The following TIAM2 variants were observed in gnomAD, a reference collection of about 807,000 sequenced individuals.
The protein encoded by TIAM2 is rho guanine nucleotide exchange factor TIAM2.
TIAM2 carries 80 observed loss-of-function variants against 152.9 expected under a neutral mutation model. That is an observed-to-expected ratio of 0.52 (90% CI 0.44 to 0.63). The LOEUF (loss-of-function observed/expected upper bound fraction) is 0.63, where lower values mean the gene tolerates loss of function less well. TIAM2 is among the 30% of genes least tolerant of loss of function. The pLI, the probability that TIAM2 is intolerant of heterozygous loss-of-function variation, is 0.00. For synonymous variants in TIAM2, 804 were observed against 838.0 expected (o/e 0.96, Z 0.70); for missense variants, 1,965 against 2,120.1 (o/e 0.93, Z 1.44).
intron 1 of TIAM2, among the ~76,000 whole-genome samples, chr6:155,061,830 A>C (rs1777585443): frequency 1.3e-5 from 2 of 152,200 alleles, no homozygotes; most frequent in Non-Finnish European, 2.9e-5. Flanking sequence ...ATTTTTTAAA[A>C]AAATTTGTAT....
At chr6:155,212,085 G>C (rs994556831) in intron 15 of TIAM2, among the ~76,000 whole-genome samples, 1 of 152,172 alleles carries the variant, frequency 6.6e-6, no homozygotes, top group South Asian at 2.1e-4. Context: ...CCATTATACG[G>C]ATACACCACA....
intron 2 of TIAM2, among the ~76,000 whole-genome samples, chr6:155,119,924 A>G (rs1779113018): frequency 6.6e-6 from 1 of 152,054 alleles, no homozygotes; most frequent in South Asian, 2.1e-4. Context: ...CTTCTGCTCT[A>G]TTTTGTTCTC....
At chr6:155,235,613 C>A (rs1782713189) in intron 15 of TIAM2, among the ~76,000 whole-genome samples, 1 of 152,198 alleles carries the variant, frequency 6.6e-6, no homozygotes, top group African/African-American at 2.4e-5. Flanking sequence ...TACTCTTCTC[C>A]TTTTGGGGGC....
intron 14 of TIAM2, among the ~76,000 whole-genome samples, chr6:155,185,691 C>A: frequency 6.6e-6 from 1 of 152,116 alleles, no homozygotes; most frequent in East Asian, 1.9e-4. Context: ...CGGTGCTTGT[C>A]CACATCACGT....
chr6:155,037,142 G>A (rs1187923301), intron 1 of TIAM2, among the ~76,000 whole-genome samples: 5 of 152,114 alleles, frequency 3.3e-5, no homozygotes, highest in South Asian at 2.1e-4. Flanking sequence ...CTCTGATTCC[G>A]TTCTTTTCTT....
intron 10 of TIAM2, among the ~76,000 whole-genome samples, chr6:155,177,718 T>C (rs1387113367): frequency 6.6e-6 from 1 of 152,248 alleles, no homozygotes; most frequent in Non-Finnish European, 1.5e-5. Flanking sequence ...CACTTTGACT[T>C]GAAACATTAG....
chr6:155,015,650 C>CT (rs1356862198), intron 1 of TIAM2, among the ~76,000 whole-genome samples: 1 of 151,864 alleles, frequency 6.6e-6, no homozygotes, highest in Non-Finnish European at 1.5e-5. Flanking sequence ...AGTTTTTAAA[C>CT]TTTAGGCCGG....
intron 9 of TIAM2, among the ~76,000 whole-genome samples, chr6:155,173,199 G>C (rs73795341): frequency 0.11 from 15,798 of 149,686 alleles, 1,724 homozygotes; most frequent in African/African-American, 0.28. Flanking sequence ...GTGTGTGTGT[G>C]TGTCTGTCTG....
chr6:155,130,336 G>A lies in TIAM2; in HGVS notation c.1113G>A (p.Ala371=), dbSNP rs368838917. Residue 371 remains alanine, a synonymous_variant, in exon 4 of 27, where the codon GCG becomes GCA. Transcript: ENST00000682666. Reference sequence around the variant, plus strand: ...CCAAAGCCTTTGTTGAGGATACTGCGAAGAAGGACTCCCTCAAAGCCAGGA... The same window carrying A: ...CCAAAGCCTTTGTTGAGGATACTGCAAAGAAGGACTCCCTCAAAGCCAGGA... ...RKPKAFVEDT[A]KKDSLKARMR... 6.8e-6 allele frequency: 11 copies of A among 1,613,924 alleles called. No individual in the cohort carries two copies. The highest frequency in any genetic ancestry group is 2.2e-5 in the South Asian group (2 of 91,076).
At position 155,174,799 on chromosome 6, in the gene TIAM2, A is replaced by G. The variant is rs1223978695; in HGVS notation, c.2362-2017A>G. Among the ~76,000 whole-genome samples the G allele has an allele frequency of 4.6e-5, 7 of 152,154 alleles. No homozygotes were observed. The highest frequency in any genetic ancestry group is 7.3e-5 in the Non-Finnish European group (5 of 68,032). On this transcript the variant is annotated intron_variant, in intron 9 of 26. Transcript: ENST00000682666. The surrounding 1 kb of genome is among the most constrained non-coding windows in gnomAD (Gnocchi z 4.2). ...ATAATTACGTTCTTCCTGATCTCCA[A>G]AAGTGCAGCAGTAAATTAATTGCTC...
At chr6:155,132,211 G>A (rs1161022522) in intron 4 of TIAM2, among the ~76,000 whole-genome samples, 1 of 147,884 alleles carries the variant, frequency 6.8e-6, no homozygotes, top group Non-Finnish European at 1.5e-5. Flanking sequence ...TCATGGAGTT[G>A]AAGGGAATTT....
At chr6:155,110,065 C>T (rs956918789) in intron 2 of TIAM2, among the ~76,000 whole-genome samples, 9 of 151,652 alleles carry the variant, frequency 5.9e-5, no homozygotes, top group African/African-American at 2.2e-4. Context: ...TCTCCTGCCT[C>T]AGCCTCCCTA....
At chr6:155,009,091 C>CTTT (rs61651734) in intron 1 of TIAM2, among the ~76,000 whole-genome samples, 7 of 61,472 alleles carry the variant, frequency 1.1e-4, no homozygotes, top group Non-Finnish European at 1.4e-4. Context: ...CTCAGAAGAT[C>CTTT]TTTTTTTTTT....
chr6:155,216,033 T>C (rs1781850421), intron 15 of TIAM2, among the ~76,000 whole-genome samples: 1 of 152,144 alleles, frequency 6.6e-6, no homozygotes, highest in Non-Finnish European at 1.5e-5. Flanking sequence ...GGTCTCAAAC[T>C]CCTGGGCTGG....
chr6:155,131,768 G>A (rs571296077), intron 4 of TIAM2, among the ~76,000 whole-genome samples: 1 of 151,764 alleles, frequency 6.6e-6, no homozygotes, highest in African/African-American at 2.4e-5. Context: ...TAGTAGAGAC[G>A]GGGTTTCACC....
At chr6:155,043,966 A>G (rs1473880826) in intron 1 of TIAM2, among the ~76,000 whole-genome samples, 1 of 152,172 alleles carries the variant, frequency 6.6e-6, no homozygotes, top group East Asian at 1.9e-4. Flanking sequence ...CCTGAGGGCC[A>G]TGGCATAGTT....
intron 15 of TIAM2, among the ~76,000 whole-genome samples, chr6:155,231,430 G>A (rs1782469746): frequency 6.6e-6 from 1 of 152,216 alleles, no homozygotes; most frequent in African/African-American, 2.4e-5. Flanking sequence ...TTTCCCTGGA[G>A]TATTTAGTGT....
chr6:155,115,478 G>A (rs1464048411), intron 2 of TIAM2, among the ~76,000 whole-genome samples: 3 of 151,868 alleles, frequency 2.0e-5, no homozygotes, highest in South Asian at 4.2e-4. Flanking sequence ...GTGAGACCCT[G>A]TCTTTACAAA....
At chr6:155,008,924 T>C (rs920740648) in intron 1 of TIAM2, among the ~76,000 whole-genome samples, 7 of 152,112 alleles carry the variant, frequency 4.6e-5, no homozygotes, top group Non-Finnish European at 8.8e-5. Flanking sequence ...TAGCATGTAC[T>C]GCCTTGGAGT....
Sources: gnomAD v4.1 joint callset for allele counts (sites outside exome capture counted in the v4.1 genomes callset) on GRCh38, gnomAD v4.1.1 for gene constraint, Gnocchi (gnomAD v3.1) non-coding constraint, MANE v1.5 for transcripts, NCBI Gene and HGNC (gene_info 2026-07-23, HGNC 2026-07-21) for gene names.